The following NPHP4 variants were observed in gnomAD, a reference collection of about 807,000 sequenced individuals.
NPHP4 encodes the protein nephrocystin-4.
Under a neutral mutation model 155.8 loss-of-function variants are expected in NPHP4, and 151 were observed. The observed-to-expected ratio is 0.97, with a 90% CI of 0.85 to 1.11. The LOEUF is 1.11. Among genes scored for constraint, NPHP4 ranks in the 50% least tolerant of loss-of-function variants. The probability of loss-of-function intolerance (pLI) is 0.00; values close to 1 mark genes in which losing one functional copy is unlikely to be tolerated. For missense variants in NPHP4, 1,956 were observed against 1,925.7 expected, an observed-to-expected ratio of 1.02 and a Z score of -0.29; for synonymous variants, 845 against 816.8, an observed-to-expected ratio of 1.03 and a Z score of -0.59.
Position 5,877,107 on chromosome 1 carries a change from C to T in NPHP4, c.2803G>A (p.Gly935Arg). 6.3e-7 allele frequency: 1 copy of T among 1,577,090 alleles called. No homozygotes were observed. Among genetic ancestry groups the T allele is most frequent in the Non-Finnish European group, 8.7e-7 (1 of 1,153,488 alleles). ...CAAACCCTTACCAACACGCTCGTCC[C>T]GCGCCGGCCCAAGTCTCCCCCGGCC... ...QEAGGDLGRR[G>R]TSVLAQQSVR... The change falls in exon 20 of 30, where the codon GGG (glycine) becomes AGG (arginine). Residue 935 changes from glycine (G) to arginine (R), a missense_variant. By Grantham distance (125) the Gly-to-Arg change is moderately radical. Coordinates refer to ENST00000378156, the MANE Select transcript of NPHP4 (RefSeq NM_015102.5).
chr1:5,951,366 G>T (rs957424726), intron 7 of NPHP4, among the ~76,000 whole-genome samples: 2 of 152,240 alleles, frequency 1.3e-5, no homozygotes, highest in South Asian at 2.1e-4. Flanking sequence ...TTGGCTCTCT[G>T]CAATTAAAGT....
At chr1:5,964,869 T>TAA (rs1225730281) in intron 5 of NPHP4, among the ~76,000 whole-genome samples, 1 of 143,566 alleles carries the variant, frequency 7.0e-6, no homozygotes, top group South Asian at 2.1e-4. Flanking sequence ...TATATATATA[T>TAA]AACACACATA....
intron 11 of NPHP4, among the ~76,000 whole-genome samples, chr1:5,924,715 C>T (rs139959533): frequency 1.4e-3 from 210 of 152,294 alleles, no homozygotes; most frequent in Admixed American, 5.6e-3. Flanking sequence ...AGTGCACTGG[C>T]GTAATCACGG....
chr1:5,893,789 C>T (rs977721651), intron 16 of NPHP4, among the ~76,000 whole-genome samples: 7 of 152,204 alleles, frequency 4.6e-5, no homozygotes, highest in Non-Finnish European at 8.8e-5. Flanking sequence ...TGACACTTTT[C>T]GCTACCGCTA....
intron 9 of NPHP4, among the ~76,000 whole-genome samples, chr1:5,937,282 C>CCAG (rs1646592532): frequency 6.6e-6 from 1 of 152,174 alleles, no homozygotes. Flanking sequence ...CTGGGGTTTG[C>CCAG]CAGCAGAGCA....
intron 7 of NPHP4, among the ~76,000 whole-genome samples, chr1:5,950,155 A>C (rs1647695577): frequency 6.6e-6 from 1 of 152,194 alleles, no homozygotes; most frequent in Non-Finnish European, 1.5e-5. Flanking sequence ...TTATGTTTTT[A>C]AAAGACCTCT....
intron 6 of NPHP4, 138 bp from the exon 7 acceptor site, chr1:5,952,974 A>G (rs1648472469): frequency 1.4e-6 from 1 of 703,162 alleles, no homozygotes; most frequent in Non-Finnish European, 2.3e-6. Flanking sequence ...GACAGAGCAC[A>G]AGGCCCAAGC....
At chr1:5,888,105 G>C (rs570286210) in intron 17 of NPHP4, among the ~76,000 whole-genome samples, 29 of 152,336 alleles carry the variant, frequency 1.9e-4, no homozygotes, top group African/African-American at 7.0e-4. Context: ...CCTGGGCTGG[G>C]GTTTGGCCCA....
chr1:5,954,013 A>G (rs1283113257), intron 6 of NPHP4, among the ~76,000 whole-genome samples: 1 of 152,252 alleles, frequency 6.6e-6, no homozygotes, highest in Non-Finnish European at 1.5e-5. Flanking sequence ...AACTGCCGTC[A>G]AAAGAGCACT....
intron 18 of NPHP4, chr1:5,886,538 T>C (rs147331993): frequency 6.6e-6 from 1 of 152,370 alleles, no homozygotes; most frequent in African/African-American, 2.4e-5. Context: ...TTTTCAATTC[T>C]GCCCTGAAAA....
chr1:5,896,597 G>C (rs922550536), intron 16 of NPHP4, among the ~76,000 whole-genome samples: 1 of 152,202 alleles, frequency 6.6e-6, no homozygotes. Flanking sequence ...ACAAATAATA[G>C]AAGGAAATTT....
chr1:5,878,875 C>T (rs1433272403), intron 19 of NPHP4, among the ~76,000 whole-genome samples: 2 of 152,166 alleles, frequency 1.3e-5, no homozygotes, highest in African/African-American at 4.8e-5. Flanking sequence ...GTGGGACCAG[C>T]TGAGGATGAA....
At chr1:5,874,025 T>TA (rs1294254622) in intron 22 of NPHP4, among the ~76,000 whole-genome samples, 1 of 151,908 alleles carries the variant, frequency 6.6e-6, no homozygotes, top group East Asian at 1.9e-4. Context: ...CTCTTGCACA[T>TA]ATACCTGCTG....
chr1:5,954,659 T>G (rs752567485), intron 6 of NPHP4, among the ~76,000 whole-genome samples: 1 of 152,190 alleles, frequency 6.6e-6, no homozygotes, highest in African/African-American at 2.4e-5. Flanking sequence ...AAGAATGAGA[T>G]GAGACGCCCT....
chr1:5,961,758 A>G, intron 6 of NPHP4, 36 bp downstream of exon 6: 1 of 1,592,462 alleles, frequency 6.3e-7, no homozygotes, highest in Non-Finnish European at 8.6e-7. Context: ...GGACAGACTC[A>G]CCTCACCAAG....
intron 17 of NPHP4, 150 bp from the exon 18 acceptor site, chr1:5,887,616 G>A (rs988008411): frequency 4.0e-6 from 3 of 758,234 alleles, no homozygotes; most frequent in African/African-American, 1.8e-5. Context: ...ACCACGCTGG[G>A]GGGTGAGGGG....
chr1:5,964,933 A>ATTTTTT (rs1327414741), intron 5 of NPHP4, among the ~76,000 whole-genome samples: 3 of 23,778 alleles, frequency 1.3e-4, no homozygotes, highest in African/African-American at 6.1e-4. Context: ...ATATATATAT[A>ATTTTTT]TATATATATT....
chr1:5,881,396 T>A (rs548949175), intron 18 of NPHP4: 2 of 152,408 alleles, frequency 1.3e-5, no homozygotes, highest in East Asian at 3.9e-4. Context: ...GTGCCCGTCC[T>A]ACCAAGGGAG....
intron 23 of NPHP4, among the ~76,000 whole-genome samples, chr1:5,869,088 C>G (rs949926947): frequency 6.9e-6 from 1 of 144,576 alleles, no homozygotes; most frequent in Non-Finnish European, 1.5e-5. Context: ...CATGCACCCA[C>G]ACATGCACAC....
Sources: gnomAD v4.1 joint callset for allele counts (sites outside exome capture counted in the v4.1 genomes callset) on GRCh38, gnomAD v4.1.1 for gene constraint, MANE v1.5 for transcripts, NCBI Gene and HGNC (gene_info 2026-07-23, HGNC 2026-07-21) for gene names.